The following BRINP3 variants were observed in gnomAD, a reference collection of about 807,000 sequenced individuals.
BRINP3 encodes BMP/retinoic acid-inducible neural-specific protein 3.
Under a neutral mutation model 71.0 loss-of-function variants are expected in BRINP3, and 19 were observed. That is an observed-to-expected ratio of 0.27 (90% CI 0.19 to 0.39). The LOEUF is 0.39. Among genes scored for constraint, BRINP3 ranks in the 10% least tolerant of loss-of-function variants. The probability of loss-of-function intolerance (pLI) is 1.00; values close to 1 mark genes in which losing one functional copy is unlikely to be tolerated. For synonymous variants in BRINP3, 380 were observed against 337.7 expected (o/e 1.13, Z -1.37); for missense variants, 959 against 940.8 (o/e 1.02, Z -0.25).
chr1:190,269,739 C>T lies in BRINP3; in HGVS notation c.428-4684G>A, dbSNP rs529438121. On this transcript the variant is annotated intron_variant, in intron 3 of 7. Coordinates refer to ENST00000367462, the MANE Select transcript of BRINP3 (RefSeq NM_199051.3). ...ATGACAGAATTTGCTAAAATCCATA[C>T]TTTGACAACTTGGGCAAATCTATTG... Among the ~76,000 whole-genome samples the T allele has an allele frequency of 1.3e-4, 20 of 152,144 alleles. No individual in the cohort carries two copies. The East Asian group carries it at 3.9e-3, about 29-fold the overall frequency.
intron 4 of BRINP3, among the ~76,000 whole-genome samples, chr1:190,246,051 C>A (rs1184011429): frequency 6.6e-6 from 1 of 150,794 alleles, no homozygotes; most frequent in Admixed American, 6.7e-5. Flanking sequence ...GTGAATAGTG[C>A]CGCAATAAAC....
intron 2 of BRINP3, among the ~76,000 whole-genome samples, chr1:190,399,249 C>T (rs1378257274): frequency 6.6e-6 from 1 of 151,772 alleles, no homozygotes; most frequent in Non-Finnish European, 1.5e-5. Flanking sequence ...ATATCCACCT[C>T]CCCCAAACAA....
At chr1:190,133,476 G>C (rs970839125) in intron 7 of BRINP3, among the ~76,000 whole-genome samples, 4 of 152,042 alleles carry the variant, frequency 2.6e-5, no homozygotes, top group African/African-American at 4.8e-5. Context: ...ATAGTATAGA[G>C]TGGGAGGTGT....
chr1:190,143,317 A>G (rs1428502949), intron 7 of BRINP3, among the ~76,000 whole-genome samples: 1 of 152,176 alleles, frequency 6.6e-6, no homozygotes, highest in Non-Finnish European at 1.5e-5. Context: ...ACAAATAATA[A>G]AATCATGAAG....
chr1:190,309,262 G>A, intron 2 of BRINP3, among the ~76,000 whole-genome samples: 1 of 151,766 alleles, frequency 6.6e-6, no homozygotes. Context: ...AAATTTGAGA[G>A]ACAGAGTAGA....
intron 2 of BRINP3, among the ~76,000 whole-genome samples, chr1:190,404,753 G>A (rs887190185): frequency 2.0e-5 from 3 of 152,238 alleles, no homozygotes; most frequent in Non-Finnish European, 2.9e-5. Context: ...GTATCTTGCC[G>A]AATAATACAC....
At chr1:190,359,532 G>T (rs1668991364) in intron 2 of BRINP3, among the ~76,000 whole-genome samples, 1 of 152,022 alleles carries the variant, frequency 6.6e-6, no homozygotes, top group Admixed American at 6.6e-5. Flanking sequence ...ATGCTAAGGT[G>T]GGATGATCTC....
At chr1:190,168,901 T>C (rs371103131) in intron 6 of BRINP3, among the ~76,000 whole-genome samples, 8 of 152,306 alleles carry the variant, frequency 5.3e-5, no homozygotes, top group African/African-American at 1.9e-4. Context: ...GTTTTCTCTA[T>C]AACTGTAAAC....
At chr1:190,301,037 T>A (rs1355142169) in intron 2 of BRINP3, among the ~76,000 whole-genome samples, 3 of 151,628 alleles carry the variant, frequency 2.0e-5, no homozygotes, top group Non-Finnish European at 4.4e-5. Context: ...GAAAAAAATT[T>A]AAAGAGTTAC....
chr1:190,130,005 C>A (rs1341457662), intron 7 of BRINP3, among the ~76,000 whole-genome samples: 1 of 151,878 alleles, frequency 6.6e-6, no homozygotes, highest in African/African-American at 2.4e-5. Flanking sequence ...AAATAATTTG[C>A]CAGTTGAGAC....
chr1:190,186,113 A>C (rs1350610339), intron 6 of BRINP3, among the ~76,000 whole-genome samples: 4 of 151,986 alleles, frequency 2.6e-5, no homozygotes, highest in Admixed American at 2.0e-4. Context: ...CGGTGGCTGA[A>C]GCCTGTAATC....
At chr1:190,451,981 T>G (rs1558299068) in intron 2 of BRINP3, among the ~76,000 whole-genome samples, 1 of 152,226 alleles carries the variant, frequency 6.6e-6, no homozygotes, top group Admixed American at 6.5e-5. Context: ...CAATGCAATA[T>G]TCCCCTAGAA....
At chr1:190,278,852 A>G (rs1662824688) in intron 3 of BRINP3, among the ~76,000 whole-genome samples, 1 of 151,158 alleles carries the variant, frequency 6.6e-6, no homozygotes, top group Admixed American at 6.6e-5. Flanking sequence ...ATTTTGAAAC[A>G]TGGTGTATAC....
intron 7 of BRINP3, among the ~76,000 whole-genome samples, chr1:190,157,169 A>C (rs1656945276): frequency 6.6e-6 from 1 of 152,008 alleles, no homozygotes; most frequent in Non-Finnish European, 1.5e-5. Flanking sequence ...ACCCACAGTA[A>C]GCCTTGCAGA....
chr1:190,190,576 A>G (rs1004089727), intron 6 of BRINP3, among the ~76,000 whole-genome samples: 6 of 152,080 alleles, frequency 3.9e-5, no homozygotes, highest in African/African-American at 1.4e-4. Context: ...TGATAATACA[A>G]AAAAATACTC....
At chr1:190,404,582 A>T (rs535738089) in intron 2 of BRINP3, among the ~76,000 whole-genome samples, 3 of 152,208 alleles carry the variant, frequency 2.0e-5, no homozygotes, top group Admixed American at 6.5e-5. Context: ...AAGTAAAAGC[A>T]GTTGATATCA....
chr1:190,259,501 T>C (rs929200349), intron 4 of BRINP3, among the ~76,000 whole-genome samples: 1 of 151,398 alleles, frequency 6.6e-6, no homozygotes. Flanking sequence ...TTAAAGAGCA[T>C]GTATGAAAAA....
At chr1:190,203,874 A>T (rs1260577637) in intron 6 of BRINP3, among the ~76,000 whole-genome samples, 2 of 143,344 alleles carry the variant, frequency 1.4e-5, no homozygotes, top group Non-Finnish European at 3.0e-5. Context: ...CATCTTTTGA[A>T]ATGTATTTCA....
chr1:190,320,153 C>T (rs1019256600), intron 2 of BRINP3, among the ~76,000 whole-genome samples: 15 of 151,948 alleles, frequency 9.9e-5, no homozygotes, highest in Admixed American at 7.9e-4. Context: ...GGGTTAACTT[C>T]CTACAGTATA....
Sources: gnomAD v4.1 joint callset for allele counts (sites outside exome capture counted in the v4.1 genomes callset) on GRCh38, gnomAD v4.1.1 for gene constraint, MANE v1.5 for transcripts, NCBI Gene and HGNC (gene_info 2026-07-23, HGNC 2026-07-21) for gene names.